The following CRELD2 variants were observed in gnomAD, a reference collection of about 807,000 sequenced individuals.
The protein encoded by CRELD2 is protein disulfide isomerase CRELD2.
CRELD2 carries 33 observed loss-of-function variants against 48.1 expected under a neutral mutation model. The observed-to-expected ratio is 0.69, with a 90% CI of 0.52 to 0.92. The LOEUF is 0.92. Ranked by LOEUF, CRELD2 falls within the 40% of genes least tolerant of loss-of-function variation. The pLI, the probability that CRELD2 is intolerant of heterozygous loss-of-function variation, is 0.00. For synonymous variants in CRELD2, 220 were observed against 203.9 expected (o/e 1.08, Z -0.67); for missense variants, 477 against 482.4 (o/e 0.99, Z 0.10).
chr22:49,925,102 G>A (rs1055402442), intron 8 of CRELD2: 2 of 199,274 alleles, frequency 1.0e-5, no homozygotes, highest in African/African-American at 4.8e-5. Context: ...CCGCACTCCA[G>A]CCTGGGCGAC....
intron 7 of CRELD2, 27 bp downstream of exon 7, chr22:49,923,344 C>G (rs749558613): frequency 6.4e-6 from 10 of 1,558,162 alleles, no homozygotes; most frequent in Non-Finnish European, 8.8e-6. Context: ...GGTCTGCACT[C>G]CGGGGCCTGC....
In CRELD2 at chr22:49,923,292, C is replaced by T. The variant is rs200705804; in HGVS notation, c.747C>T (p.Asn249=). The T allele has an allele frequency of 8.1e-5, 130 of 1,611,482 alleles. No individual in the cohort carries two copies. Among genetic ancestry groups the T allele is most frequent in the Middle Eastern group, 3.3e-4 (2 of 6,052 alleles). ...PPCSAAQFCK[N]ANGSYTCEEC... ...GCAGCGCTGCGCAGTTCTGTAAGAA[C>T]GCCAACGGCTCCTACACGTGCGAAG... Residue 249 remains asparagine (N), a synonymous_variant, in exon 7 of 10, where the codon AAC becomes AAT. Coordinates refer to ENST00000328268, the MANE Select transcript of CRELD2 (RefSeq NM_024324.5).
chr22:49,921,578 C>T lies in CRELD2; in HGVS notation c.416-7C>T, dbSNP rs1489746896. 1 of 1,611,272 alleles carries T rather than the reference C, an allele frequency of 6.2e-7. No individual in the cohort carries two copies. Among genetic ancestry groups the T allele is most frequent in the Non-Finnish European group, 8.5e-7 (1 of 1,179,154 alleles). ...GTGCTCTGAGCATGGTTTTGTGTCC[C>T]CTAAAGCATGCCAGGGCGGATCCCA... is the stretch of plus-strand genomic sequence containing the variant. On this transcript the variant is annotated splice_region_variant and splice_polypyrimidine_tract_variant and intron_variant, in intron 4 of 9. Coordinates refer to ENST00000328268, the MANE Select transcript of CRELD2 (RefSeq NM_024324.5).
intron 4 of CRELD2, 40 bp from the exon 5 acceptor site, chr22:49,921,545 C>G: frequency 6.3e-7 from 1 of 1,593,840 alleles, no homozygotes; most frequent in Non-Finnish European, 8.6e-7. Context: ...CACCGGTCAC[C>G]ACCAGGTGTG....
At chr22:49,924,177 T>G in intron 7 of CRELD2, 183 bp from the exon 8 acceptor site, 1 of 523,910 alleles carries the variant, frequency 1.9e-6, no homozygotes. Context: ...GAGCACCTGC[T>G]GCACAGCAGG....
Position 49,920,145 on chromosome 22 carries a change from T to C in CRELD2, c.324-11T>C, listed in dbSNP as rs1199712061. 1.3e-6 allele frequency: 2 copies of C among 1,584,624 alleles called. No individual in the cohort carries two copies. Among genetic ancestry groups the C allele is most frequent in the Admixed American group, 3.3e-5 (2 of 59,836 alleles). ...TGCTGGGATTCAGTGAATGTTTTCC[T>C]CCATCCTCAGGAAGAGCGAATATCC... On this transcript the variant is annotated splice_polypyrimidine_tract_variant and intron_variant, in intron 3 of 9. Coordinates refer to ENST00000328268, the MANE Select transcript of CRELD2 (RefSeq NM_024324.5).
chr22:49,919,412 A>C, intron 2 of CRELD2, 100 bp downstream of exon 2: 1 of 1,105,282 alleles, frequency 9.0e-7, no homozygotes, highest in Non-Finnish European at 1.3e-6. Flanking sequence ...GAGACAGAAC[A>C]GCCCCCGAGG....
Position 49,927,356 on chromosome 22 carries a change from A to C in CRELD2, c.*49A>C. 6.5e-7 allele frequency: 1 copy of C among 1,546,426 alleles called. No homozygotes were observed. The highest frequency in any genetic ancestry group is 8.9e-7 in the Non-Finnish European group (1 of 1,119,870). ...TATTCAGAAGGATGTCCCGTGGAAA[A>C]TGTGGCCCTGAGGATGCCGTCTCCT... On this transcript the variant is annotated 3_prime_UTR_variant, in exon 10 of 10. Coordinates refer to ENST00000328268, the MANE Select transcript of CRELD2 (RefSeq NM_024324.5).
chr22:49,927,379 C>A lies in CRELD2; in HGVS notation c.*72C>A. The A allele has an allele frequency of 7.7e-7, 1 of 1,300,510 alleles. No homozygotes were observed. Among genetic ancestry groups the A allele is most frequent in the Non-Finnish European group, 1.1e-6 (1 of 895,750 alleles). 80.6% of individuals were successfully genotyped at this position (1,300,510 alleles called of 1,614,324 possible). On this transcript the variant is annotated 3_prime_UTR_variant, in exon 10 of 10. Coordinates refer to ENST00000328268, the MANE Select transcript of CRELD2 (RefSeq NM_024324.5). ...AAATGTGGCCCTGAGGATGCCGTCT[C>A]CTGCAGTGGACAGCGGCGGGGAGAG...
At chr22:49,923,211 A>G in intron 6 of CRELD2, 23 bp from the exon 7 acceptor site, 1 of 1,541,914 alleles carries the variant, frequency 6.5e-7, no homozygotes. Context: ...TGGGCCGCTC[A>G]CAGCTGTGCC....
In CRELD2 at chr22:49,918,889, G is replaced by C; in HGVS notation, c.120G>C (p.Lys40Asn). ...PCHRCRGLVDKFNQGMVDTAK... is the reference protein window; with the variant it reads ...PCHRCRGLVDNFNQGMVDTAK... Reference sequence around the variant, plus strand: ...ACCGGTGCCGGGGGCTGGTGGACAAGTTTAACCAGGTGGGAAGGGGCCGGG... The same window carrying C: ...ACCGGTGCCGGGGGCTGGTGGACAACTTTAACCAGGTGGGAAGGGGCCGGG... Residue 40 changes from lysine (K) to asparagine (N), a missense_variant, in exon 1 of 10, where the codon AAG becomes AAC. Transcript: ENST00000328268. 7.6e-7 allele frequency: 1 copy of C among 1,315,432 alleles called. No individual in the cohort carries two copies. 81.5% of individuals were successfully genotyped at this position (1,315,432 alleles called of 1,614,324 possible).
Position 49,919,303 on chromosome 22 carries a change from A to G in CRELD2, c.203A>G (p.Tyr68Cys), listed in dbSNP as rs917077245. The G allele has an allele frequency of 1.9e-6, 3 of 1,613,496 alleles. No individual in the cohort carries two copies. In the Admixed American group the frequency reaches 5.0e-5, roughly 27 times the overall value. The change falls in exon 2 of 10, where the codon TAC becomes TGC. Residue 68 changes from tyrosine to cysteine, a missense_variant. By Grantham distance (194) the Tyr-to-Cys change is radical. Transcript: ENST00000328268. ...TGGGAGGAAAAGACGCTGTCCAAGT[A>G]CGAGTCCAGGTGGGTGCCCTGGAGC... ...TAWEEKTLSK[Y>C]ESSEIRLLEI...
At chr22:49,921,406 C>A in intron 4 of CRELD2, 179 bp from the exon 5 acceptor site, 1 of 656,974 alleles carries the variant, frequency 1.5e-6, no homozygotes, top group Non-Finnish European at 2.5e-6. Context: ...CTCAGGCGAT[C>A]CACCGCCAGC....
rs2060648619 is a variant in CRELD2 at position 49,919,150 on chromosome 22, C to T, written c.130-80C>T. 4 of 1,388,912 alleles carry T rather than the reference C, an allele frequency of 2.9e-6. No individual in the cohort carries two copies. The East Asian group carries it at 9.1e-5, about 32-fold the overall frequency. 86.0% of individuals were successfully genotyped at this position (1,388,912 alleles called of 1,614,324 possible). A position where few individuals can be genotyped will look rare whatever the true frequency, so the allele number is the denominator to read the frequency against. On this transcript the variant is annotated intron_variant, in intron 1 of 9. Transcript: ENST00000328268. Reference sequence around the variant, plus strand: ...GACGCCACCGTGGGCCTGGAGTCCCCTCACCCTCGACCTGGGCTCGCCCCC... The same window carrying T: ...GACGCCACCGTGGGCCTGGAGTCCCTTCACCCTCGACCTGGGCTCGCCCCC...
In CRELD2 at chr22:49,918,690, G is replaced by T. The variant is rs887042496; in HGVS notation, c.-80G>T. 8.2e-6 allele frequency: 4 copies of T among 487,232 alleles called. No individual in the cohort carries two copies. Among genetic ancestry groups the T allele is most frequent in the Non-Finnish European group, 1.3e-5 (4 of 315,242 alleles). 30.2% of individuals were successfully genotyped at this position (487,232 alleles called of 1,614,324 possible). ...GGGACAGGCCGGCGCGGCTGGGAGCGGGTGGGCGGCCGGGAGGCCGGAGCA... is the reference window on the plus strand; with the variant it reads ...GGGACAGGCCGGCGCGGCTGGGAGCTGGTGGGCGGCCGGGAGGCCGGAGCA... On this transcript the variant is annotated 5_prime_UTR_variant, in exon 1 of 10. Transcript: ENST00000328268.
At chr22:49,925,157 G>A (rs1396285912) in intron 8 of CRELD2, 1 of 311,082 alleles carries the variant, frequency 3.2e-6, no homozygotes, top group Non-Finnish European at 5.9e-6. Flanking sequence ...GGAAAAGAAA[G>A]TGGGCTTCCT....
chr22:49,922,390 C>T lies in CRELD2; in HGVS notation c.593-222C>T, dbSNP rs186623329. 112 of 1,610,212 alleles carry T rather than the reference C, an allele frequency of 7.0e-5. No homozygotes were observed. In the African/African-American group the frequency reaches 1.1e-3, roughly 15 times the overall value. ...CACGCATGGATCCGTGGCCGGAACACGCACACCCAGCCAGGCTACAGCTCC... is the reference window on the plus strand; with the variant it reads ...CACGCATGGATCCGTGGCCGGAACATGCACACCCAGCCAGGCTACAGCTCC... On this transcript the variant is annotated intron_variant, in intron 5 of 9. Coordinates refer to ENST00000328268, the MANE Select transcript of CRELD2 (RefSeq NM_024324.5).
chr22:49,918,701 C>T lies in CRELD2; in HGVS notation c.-69C>T, dbSNP rs2060639297. The T allele has an allele frequency of 8.6e-6, 5 of 578,600 alleles. No individual in the cohort carries two copies. The highest frequency in any genetic ancestry group is 1.9e-5 in the African/African-American group (1 of 51,394). The allele number at this position is 578,600 out of a possible 1,614,324, so 35.8% of individuals were successfully genotyped here. A position where few individuals can be genotyped will look rare whatever the true frequency, so the allele number is the denominator to read the frequency against. ...GCGCGGCTGGGAGCGGGTGGGCGGC[C>T]GGGAGGCCGGAGCAGCACGGCCGCA... On this transcript the variant is annotated 5_prime_UTR_variant, in exon 1 of 10. Coordinates refer to ENST00000328268, the MANE Select transcript of CRELD2 (RefSeq NM_024324.5).
intron 4 of CRELD2, among the ~76,000 whole-genome samples, chr22:49,920,453 T>C (rs546023200): frequency 6.6e-6 from 1 of 152,218 alleles, no homozygotes; most frequent in Non-Finnish European, 1.5e-5. Flanking sequence ...ACTAACCTCA[T>C]GCTTTAGCGT....
Sources: gnomAD v4.1 joint callset for allele counts (sites outside exome capture counted in the v4.1 genomes callset) on GRCh38, gnomAD v4.1.1 for gene constraint, MANE v1.5 for transcripts, NCBI Gene and HGNC (gene_info 2026-07-23, HGNC 2026-07-21) for gene names.